GNAL: variants seen among roughly 807,000 people sequenced by gnomAD.
The protein encoded by GNAL is guanine nucleotide-binding protein G(olf) subunit alpha.
Under a neutral mutation model 55.1 loss-of-function variants are expected in GNAL, and 18 were observed. The observed-to-expected ratio is 0.33, with a 90% CI of 0.23 to 0.48. The LOEUF (loss-of-function observed/expected upper bound fraction) is 0.48, where lower values mean the gene tolerates loss of function less well. GNAL is among the 20% of genes least tolerant of loss of function. GNAL has a pLI of 0.99. For synonymous variants in GNAL, 253 were observed against 237.0 expected (o/e 1.07, Z -0.62); for missense variants, 412 against 614.1 (o/e 0.67, Z 3.48).
intron 5 of GNAL, among the ~76,000 whole-genome samples, chr18:11,858,044 C>T (rs554152553): frequency 6.6e-6 from 1 of 152,220 alleles, no homozygotes; most frequent in South Asian, 2.1e-4. Flanking sequence ...AGTTTGATTA[C>T]AAAGGCATTT....
chr18:11,796,590 A>C (rs1011131243), intron 4 of GNAL, among the ~76,000 whole-genome samples: 1 of 132,640 alleles, frequency 7.5e-6, no homozygotes, highest in Non-Finnish European at 1.6e-5. Context: ...AAAAAAAAAA[A>C]AAAAACAAAA....
intron 6 of GNAL, among the ~76,000 whole-genome samples, chr18:11,863,542 CCTGTCCTAAACAGTT>C (rs2036194745): frequency 6.6e-6 from 1 of 152,204 alleles, no homozygotes; most frequent in African/African-American, 2.4e-5. Context: ...AACTAACTTA[CCTGTCCTAAACAGTT>C]CTCGTTATAC....
intron 4 of GNAL, among the ~76,000 whole-genome samples, chr18:11,786,398 G>A (rs1321036570): frequency 6.7e-6 from 1 of 148,520 alleles, no homozygotes; most frequent in East Asian, 2.0e-4. Flanking sequence ...TTTACACGTG[G>A]CTGAAGAAGC....
At chr18:11,701,691 A>G (rs1486887858) in intron 1 of GNAL, among the ~76,000 whole-genome samples, 1 of 152,176 alleles carries the variant, frequency 6.6e-6, no homozygotes, top group East Asian at 1.9e-4. Flanking sequence ...GGAGCTGCTG[A>G]AAGAACCCAG....
chr18:11,868,768 T>A lies in GNAL; in HGVS notation c.1031+105T>A. On this transcript the variant is annotated intron_variant, in intron 9 of 11. Coordinates refer to ENST00000334049, the MANE Select transcript of GNAL (RefSeq NM_182978.4). The surrounding 1 kb of genome is among the most constrained non-coding windows in gnomAD (Gnocchi z 4.0). The stretch of plus-strand genomic sequence containing the variant: ...TGGCTCACACCTGTAATCTCAACAC[T>A]GGGAGGCCGAGGCAGGTGTGTCACT... The A allele has an allele frequency of 1.1e-6, 1 of 900,994 alleles. No individual in the cohort carries two copies. Among genetic ancestry groups the A allele is most frequent in the Non-Finnish European group, 1.7e-6 (1 of 598,386 alleles). 55.8% of individuals were successfully genotyped at this position (900,994 alleles called of 1,614,324 possible).
intron 1 of GNAL, among the ~76,000 whole-genome samples, chr18:11,744,233 TCTC>T (rs1598424171): frequency 6.6e-6 from 1 of 152,314 alleles, no homozygotes; most frequent in East Asian, 1.9e-4. Context: ...AATGTGTTAT[TCTC>T]CTTTACAGAT....
chr18:11,789,227 G>A (rs2034162211), intron 4 of GNAL, among the ~76,000 whole-genome samples: 1 of 152,064 alleles, frequency 6.6e-6, no homozygotes, highest in Non-Finnish European at 1.5e-5. Context: ...TACTTGCCAA[G>A]ACCTTAGCTA....
At position 11,689,670 on chromosome 18, in the gene GNAL, C is replaced by CGGCCCCGGCCCT. The variant is rs1555639265; in HGVS notation, c.112_113insCGGCCCTGGCCC (p.Ala37_Leu38insProAlaLeuAla). Reference sequence around the variant, plus strand: ...GAGGACGCGCAGCCCGCCCCGGCCCCGGCCCTGGCCCCAGTCCGGGCGGCC... The same window carrying CGGCCCCGGCCCT: ...GAGGACGCGCAGCCCGCCCCGGCCCCGGCCCCGGCCCTGGCCCTGGCCCCAGTCCGGGCGGCC... On this transcript the variant is annotated inframe_insertion, in exon 1 of 12. Transcript: ENST00000334049. The CGGCCCCGGCCCT allele has an allele frequency of 6.9e-7, 1 of 1,441,180 alleles. No homozygotes were observed. Among genetic ancestry groups the CGGCCCCGGCCCT allele is most frequent in the Non-Finnish European group, 9.1e-7 (1 of 1,102,032 alleles). The allele number at this position is 1,441,180 out of a possible 1,614,324, so 89.3% of individuals were successfully genotyped here.
chr18:11,844,748 C>T (rs1200391141), intron 5 of GNAL, among the ~76,000 whole-genome samples: 1 of 151,618 alleles, frequency 6.6e-6, no homozygotes, highest in East Asian at 1.9e-4. Context: ...CTGTTCCCAT[C>T]ATGAACAGAA....
intron 4 of GNAL, among the ~76,000 whole-genome samples, chr18:11,801,281 T>G (rs190472344): frequency 5.9e-5 from 9 of 152,316 alleles, no homozygotes; most frequent in Middle Eastern, 3.4e-3. Context: ...CTGGGCGCAG[T>G]GGCTCACGCC....
At chr18:11,779,776 C>T (rs2143343286) in intron 4 of GNAL, among the ~76,000 whole-genome samples, 1 of 152,320 alleles carries the variant, frequency 6.6e-6, no homozygotes, top group East Asian at 1.9e-4. Context: ...ACCTGAAGAA[C>T]ACAATTTATC....
intron 5 of GNAL, among the ~76,000 whole-genome samples, chr18:11,861,825 A>G (rs1455441817): frequency 6.6e-6 from 1 of 152,086 alleles, no homozygotes; most frequent in Non-Finnish European, 1.5e-5. Flanking sequence ...ACACTCAAAT[A>G]TGCACACTCA....
At chr18:11,726,600 G>C (rs932269172) in intron 1 of GNAL, among the ~76,000 whole-genome samples, 32 of 152,296 alleles carry the variant, frequency 2.1e-4, no homozygotes, top group African/African-American at 7.7e-4. Flanking sequence ...CTGATCCACT[G>C]TGCCAGTGGG....
At chr18:11,749,695 C>G (rs561084567) in intron 1 of GNAL, among the ~76,000 whole-genome samples, 74 of 152,300 alleles carry the variant, frequency 4.9e-4, no homozygotes, top group African/African-American at 1.7e-3. Context: ...GAATCTGGTG[C>G]TCCCTTAGGG....
intron 10 of GNAL, among the ~76,000 whole-genome samples, chr18:11,875,696 C>T (rs1470913953): frequency 1.3e-5 from 2 of 152,174 alleles, no homozygotes; most frequent in African/African-American, 4.8e-5. Flanking sequence ...CAGCATCGTG[C>T]TTCCCGTACA....
intron 4 of GNAL, among the ~76,000 whole-genome samples, chr18:11,768,608 A>G (rs1302039025): frequency 6.7e-6 from 1 of 149,962 alleles, no homozygotes; most frequent in Non-Finnish European, 1.5e-5. Flanking sequence ...TCTCGAAAAA[A>G]AAAAGGCCAG....
intron 1 of GNAL, among the ~76,000 whole-genome samples, chr18:11,697,735 C>G (rs1333681019): frequency 6.6e-6 from 1 of 151,850 alleles, no homozygotes; most frequent in Non-Finnish European, 1.5e-5. Flanking sequence ...CTGAACCCTT[C>G]AGTAAAATGG....
chr18:11,854,132 C>G (rs963917854), intron 5 of GNAL: 1 of 166,988 alleles, frequency 6.0e-6, no homozygotes, highest in Non-Finnish European at 1.5e-5. Flanking sequence ...GCCTTAACCC[C>G]TCTTTAGATT....
At chr18:11,842,539 T>A (rs2035641380) in intron 5 of GNAL, among the ~76,000 whole-genome samples, 1 of 151,934 alleles carries the variant, frequency 6.6e-6, no homozygotes, top group Admixed American at 6.6e-5. Context: ...GATGGTCCCA[T>A]CTGGGGGTGA....
Sources: allele counts gnomAD v4.1 joint callset (sites outside exome capture counted in the v4.1 genomes callset), GRCh38; gene constraint gnomAD v4.1.1; non-coding constraint Gnocchi (gnomAD v3.1); transcripts MANE v1.5; gene names NCBI Gene and HGNC (gene_info 2026-07-23, HGNC 2026-07-21).